The following NCAM1 variants were observed in gnomAD, a reference collection of about 807,000 sequenced individuals.
The protein encoded by NCAM1 is neural cell adhesion molecule 1, also known as antigen recognized by monoclonal antibody 5.1H11.
A neutral mutation model predicts 109.8 loss-of-function variants in NCAM1; 14 were observed. The observed-to-expected ratio is 0.13, with a 90% confidence interval of 0.08 to 0.20. The LOEUF is 0.20. NCAM1 is among the 10% of genes least tolerant of loss of function. NCAM1 has a pLI of 1.00. For missense variants in NCAM1, 774 were observed against 1,109.9 expected, an observed-to-expected ratio of 0.70 and a Z score of 4.30; for synonymous variants, 418 against 442.9, an observed-to-expected ratio of 0.94 and a Z score of 0.70.
chr11:112,978,736 C>T (rs1401376753), intron 1 of NCAM1, among the ~76,000 whole-genome samples: 7 of 151,766 alleles, frequency 4.6e-5, no homozygotes, highest in Non-Finnish European at 4.4e-5. Flanking sequence ...TTGAAAAATT[C>T]TGCACAGATT....
intron 18 of NCAM1, 115 bp from the exon 19 acceptor site, chr11:113,271,645 T>A: frequency 1.5e-6 from 1 of 653,996 alleles, no homozygotes; most frequent in Non-Finnish European, 2.6e-6. Context: ...TACATTTGAA[T>A]CTGTTGGCTC....
chr11:113,055,733 A>T (rs1387732031), intron 1 of NCAM1, among the ~76,000 whole-genome samples: 15 of 151,886 alleles, frequency 9.9e-5, no homozygotes, highest in African/African-American at 3.4e-4. Flanking sequence ...AGGTGATGAG[A>T]TATCACTTCT....
chr11:113,055,041 C>T (rs1327251463), intron 1 of NCAM1, among the ~76,000 whole-genome samples: 2 of 152,178 alleles, frequency 1.3e-5, no homozygotes, highest in Non-Finnish European at 2.9e-5. Context: ...ATACAGCCCA[C>T]AGGAACACGT....
intron 1 of NCAM1, among the ~76,000 whole-genome samples, chr11:113,070,025 T>C (rs1183118252): frequency 2.0e-5 from 3 of 151,844 alleles, no homozygotes; most frequent in Non-Finnish European, 2.9e-5. Context: ...GTTGGAGATG[T>C]GAATACAGGA....
chr11:113,195,864 T>G (rs782384583), intron 1 of NCAM1, among the ~76,000 whole-genome samples: 4 of 151,930 alleles, frequency 2.6e-5, no homozygotes, highest in Non-Finnish European at 5.9e-5. Flanking sequence ...GCCCCTGTTA[T>G]CTCATTCTCA....
intron 1 of NCAM1, among the ~76,000 whole-genome samples, chr11:113,183,291 G>A (rs1205108909): frequency 6.6e-6 from 1 of 152,186 alleles, no homozygotes; most frequent in Non-Finnish European, 1.5e-5. Context: ...ACCAGAATCC[G>A]GATGCCCTGC....
intron 14 of NCAM1, chr11:113,240,705 T>G: frequency 7.6e-7 from 1 of 1,316,392 alleles, no homozygotes; most frequent in Non-Finnish European, 1.1e-6. Flanking sequence ...TGCCCCAGGG[T>G]TGTTGCTTCC....
At chr11:113,252,321 G>A (rs1393209850) in intron 15 of NCAM1, among the ~76,000 whole-genome samples, 2 of 150,580 alleles carry the variant, frequency 1.3e-5, no homozygotes, top group African/African-American at 4.9e-5. Context: ...TGAGTGAATC[G>A]CTTGAGTCAT....
chr11:113,217,403 C>G (rs1164374453), intron 8 of NCAM1, among the ~76,000 whole-genome samples: 1 of 152,196 alleles, frequency 6.6e-6, no homozygotes, highest in African/African-American at 2.4e-5. Context: ...TTACCTTGAA[C>G]ATACCAGTTA....
At chr11:113,083,159 G>T (rs1432354680) in intron 1 of NCAM1, among the ~76,000 whole-genome samples, 1 of 152,008 alleles carries the variant, frequency 6.6e-6, no homozygotes, top group Non-Finnish European at 1.5e-5. Flanking sequence ...CCATGTGGTG[G>T]GGTGTGCTAT....
chr11:113,102,760 T>C (rs563722627), intron 1 of NCAM1, among the ~76,000 whole-genome samples: 5 of 152,352 alleles, frequency 3.3e-5, no homozygotes, highest in Non-Finnish European at 1.5e-5. Flanking sequence ...AAGCTGACCA[T>C]AGATTAGCAG....
chr11:113,164,163 A>G (rs1404006301), intron 1 of NCAM1, among the ~76,000 whole-genome samples: 1 of 152,196 alleles, frequency 6.6e-6, no homozygotes, highest in African/African-American at 2.4e-5. Flanking sequence ...ATGGGGGTAC[A>G]TGCTCTGCAG....
chr11:113,220,260 C>A (rs1015375520), intron 8 of NCAM1, among the ~76,000 whole-genome samples: 1 of 152,124 alleles, frequency 6.6e-6, no homozygotes, highest in Non-Finnish European at 1.5e-5. Flanking sequence ...CTTGCAAATG[C>A]CAACTTGTGA....
intron 7 of NCAM1, among the ~76,000 whole-genome samples, chr11:113,212,611 T>C (rs1055548526): frequency 2.0e-5 from 3 of 152,230 alleles, no homozygotes; most frequent in African/African-American, 7.2e-5. Flanking sequence ...AAAACAACTG[T>C]TGAGTTTAGC....
intron 18 of NCAM1, 36 bp downstream of exon 18, chr11:113,270,431 G>T (rs1358753727): frequency 6.2e-7 from 1 of 1,601,880 alleles, no homozygotes; most frequent in Admixed American, 1.7e-5. Flanking sequence ...TGAGGTTTGG[G>T]CTCTGCTCCA....
rs1419869381 is a variant in NCAM1, at chr11:112,963,194, G to C, written c.52+1530G>C. On this transcript the variant is annotated intron_variant, in intron 1 of 19. Coordinates refer to ENST00000316851, the MANE Select transcript of NCAM1 (RefSeq NM_181351.5). The surrounding 1 kb of genome is among the most constrained non-coding windows in gnomAD (Gnocchi z 4.6). ...CAGTCTCCCGGTGCTTCAGCCTAAC[G>C]GTCTCGCTCACTCACCGCCAAGAGA... is the stretch of plus-strand genomic sequence containing the variant. 2.6e-5 allele frequency: 4 copies of C among 152,362 alleles called. No homozygotes were observed. The highest frequency in any genetic ancestry group is 2.6e-4 in the Admixed American group (4 of 15,296). The allele number at this position is 152,362 out of a possible 1,614,324, so 9.4% of individuals were successfully genotyped here. A position where few individuals can be genotyped will look rare whatever the true frequency, so the allele number is the denominator to read the frequency against.
intron 1 of NCAM1, among the ~76,000 whole-genome samples, chr11:112,996,343 C>A (rs182582812): frequency 1.3e-5 from 2 of 152,298 alleles, no homozygotes; most frequent in African/African-American, 4.8e-5. Flanking sequence ...AATCACAGTA[C>A]TATTAAGTGT....
At chr11:113,000,102 T>C (rs1230280783) in intron 1 of NCAM1, among the ~76,000 whole-genome samples, 1 of 152,236 alleles carries the variant, frequency 6.6e-6, no homozygotes, top group African/African-American at 2.4e-5. Flanking sequence ...TAATTAGCTA[T>C]GACCTCATAT....
At chr11:113,019,532 C>T (rs1425958124) in intron 1 of NCAM1, among the ~76,000 whole-genome samples, 3 of 152,180 alleles carry the variant, frequency 2.0e-5, no homozygotes, top group South Asian at 4.2e-4. Flanking sequence ...TTTCCTGGCT[C>T]CTTTCCTCTA....
Sources: gnomAD v4.1 joint callset for allele counts (sites outside exome capture counted in the v4.1 genomes callset) on GRCh38, gnomAD v4.1.1 for gene constraint, Gnocchi (gnomAD v3.1) non-coding constraint, MANE v1.5 for transcripts, NCBI Gene and HGNC (gene_info 2026-07-23, HGNC 2026-07-21) for gene names.